GARNL3: variants seen among roughly 807,000 people sequenced by gnomAD.
The protein encoded by GARNL3 is GTPase-activating Rap/Ran-GAP domain-like protein 3.
In GARNL3, 63 loss-of-function variants were observed where a neutral mutation model predicts 125.0. The observed-to-expected ratio is 0.50, with a 90% CI of 0.41 to 0.62. The LOEUF is 0.62. Among genes scored for constraint, GARNL3 ranks in the 20% least tolerant of loss-of-function variants. GARNL3 has a pLI of 0.00. For missense variants in GARNL3, 994 were observed against 1,244.0 expected, an observed-to-expected ratio of 0.80 and a Z score of 3.02; for synonymous variants, 439 against 457.5, an observed-to-expected ratio of 0.96 and a Z score of 0.52.
chr9:127,357,874 C>T (rs1359664470), intron 21 of GARNL3, among the ~76,000 whole-genome samples: 2 of 152,024 alleles, frequency 1.3e-5, no homozygotes, highest in African/African-American at 4.8e-5. Context: ...TGGGAGGGTC[C>T]TTGGAGAATA....
At chr9:127,289,692 G>A (rs886333695) in intron 1 of GARNL3, among the ~76,000 whole-genome samples, 1 of 152,178 alleles carries the variant, frequency 6.6e-6, no homozygotes, top group African/African-American at 2.4e-5. Context: ...GTGGCTCAGA[G>A]CCCCTAAGTA....
At chr9:127,231,361 T>C (rs1320364409) in intron 1 of GARNL3, among the ~76,000 whole-genome samples, 1 of 150,646 alleles carries the variant, frequency 6.6e-6, no homozygotes, top group Admixed American at 6.7e-5. Context: ...CGTGAGCCAC[T>C]GCGCCCGGCC....
intron 6 of GARNL3, among the ~76,000 whole-genome samples, chr9:127,324,810 G>T (rs141221276): frequency 6.6e-6 from 1 of 152,134 alleles, no homozygotes; most frequent in Non-Finnish European, 1.5e-5. Context: ...GCGACAGCAG[G>T]GATTCAAAGG....
intron 21 of GARNL3, 175 bp from the exon 22 acceptor site, chr9:127,365,125 T>G: frequency 7.0e-6 from 4 of 572,258 alleles, no homozygotes; most frequent in Non-Finnish European, 9.5e-6. Context: ...CTCACTTCCA[T>G]TGTATTATAA....
At chr9:127,258,264 T>G (rs1038834566) in intron 2 of GARNL3, among the ~76,000 whole-genome samples, 9 of 152,128 alleles carry the variant, frequency 5.9e-5, no homozygotes, top group African/African-American at 1.9e-4. Flanking sequence ...TCCCCTTTTG[T>G]TTTGGAAATC....
At chr9:127,285,964 A>G (rs1353447901) in intron 1 of GARNL3, among the ~76,000 whole-genome samples, 1 of 152,154 alleles carries the variant, frequency 6.6e-6, no homozygotes, top group Non-Finnish European at 1.5e-5. Flanking sequence ...TTATTAAAAC[A>G]TCTGTGCTGT....
intron 2 of GARNL3, chr9:127,300,706 C>T (rs554463179): frequency 6.2e-5 from 20 of 321,192 alleles, no homozygotes; most frequent in African/African-American, 4.3e-4. Context: ...CTGTCCCCCT[C>T]GGCCTCCCAA....
chr9:127,335,008 G>C (rs1209523485), intron 9 of GARNL3, among the ~76,000 whole-genome samples: 1 of 152,232 alleles, frequency 6.6e-6, no homozygotes, highest in Non-Finnish European at 1.5e-5. Flanking sequence ...CCATTCTGAG[G>C]CAAGGCATGA....
At position 127,327,181 on chromosome 9, in the gene GARNL3, G is replaced by A. The variant is rs979779324; in HGVS notation, c.594+2086G>A. On this transcript the variant is annotated intron_variant, in intron 7 of 27. Coordinates refer to ENST00000373387, the MANE Select transcript of GARNL3 (RefSeq NM_032293.5). Reference sequence around the variant, plus strand: ...AACACATACTTATTGAGCTCCTACCGTGCATGTACCATGTACTGTTTGAGG... The same window carrying A: ...AACACATACTTATTGAGCTCCTACCATGCATGTACCATGTACTGTTTGAGG... Among the ~76,000 whole-genome samples, 4 of 152,220 alleles carry A rather than the reference G, an allele frequency of 2.6e-5. No homozygotes were observed. The East Asian group carries it at 7.7e-4, about 29-fold the overall frequency.
intron 1 of GARNL3, among the ~76,000 whole-genome samples, chr9:127,238,414 A>G (rs1004899216): frequency 2.0e-5 from 3 of 151,862 alleles, no homozygotes; most frequent in African/African-American, 7.3e-5. Context: ...GTTTCTCTCT[A>G]CCTCCATCTC....
At chr9:127,334,798 A>C (rs915405497) in intron 9 of GARNL3, among the ~76,000 whole-genome samples, 1 of 152,246 alleles carries the variant, frequency 6.6e-6, no homozygotes, top group African/African-American at 2.4e-5. Flanking sequence ...GCCAATGACA[A>C]ATTGAATCCA....
chr9:127,357,105 C>G lies in GARNL3; in HGVS notation c.1936-114C>G, dbSNP rs950404580. 3.9e-6 allele frequency: 4 copies of G among 1,022,642 alleles called. No homozygotes were observed. The African/African-American group carries it at 4.8e-5, about 12-fold the overall frequency. 63.3% of individuals were successfully genotyped at this position (1,022,642 alleles called of 1,614,324 possible). A position where few individuals can be genotyped will look rare whatever the true frequency, so the allele number is the denominator to read the frequency against. ...TTCTTCCCTGTAGCACGGGGCTCTG[C>G]AGGAGCCTGGAGAGGGTGCCTTCTC... On this transcript the variant is annotated intron_variant, in intron 20 of 27. Transcript: ENST00000373387.
intron 13 of GARNL3, among the ~76,000 whole-genome samples, chr9:127,340,217 A>G (rs1172328737): frequency 1.3e-5 from 2 of 152,154 alleles, no homozygotes; most frequent in Non-Finnish European, 1.5e-5. Context: ...AGAAAGACAG[A>G]ATGAGAACAT....
chr9:127,313,432 C>T lies in GARNL3; in HGVS notation c.320-9C>T, dbSNP rs765261876. 1.3e-6 allele frequency: 2 copies of T among 1,598,464 alleles called. No homozygotes were observed. Among genetic ancestry groups the T allele is most frequent in the Non-Finnish European group, 1.7e-6 (2 of 1,165,722 alleles). On this transcript the variant is annotated splice_polypyrimidine_tract_variant and intron_variant, in intron 3 of 27. Transcript: ENST00000373387. ...TGCATTCTCACTGTTCTAAACCTTTCTTTTCCAGTCCATCAGAACTACATT... is the reference window on the plus strand; with the variant it reads ...TGCATTCTCACTGTTCTAAACCTTTTTTTTCCAGTCCATCAGAACTACATT...
At chr9:127,371,031 GC>G (rs1564188682) in intron 22 of GARNL3, among the ~76,000 whole-genome samples, 2 of 152,128 alleles carry the variant, frequency 1.3e-5, no homozygotes, top group African/African-American at 4.8e-5. Flanking sequence ...CCTCTGATGT[GC>G]CCCACCCCAG....
intron 22 of GARNL3, among the ~76,000 whole-genome samples, chr9:127,371,942 T>A (rs947238006): frequency 2.8e-4 from 42 of 150,744 alleles, no homozygotes; most frequent in Non-Finnish European, 1.3e-4. Context: ...GCAAAAAAAA[T>A]TTTTTTTGAG....
intron 1 of GARNL3, among the ~76,000 whole-genome samples, chr9:127,273,780 G>A (rs2063883480): frequency 6.6e-6 from 1 of 152,162 alleles, no homozygotes; most frequent in African/African-American, 2.4e-5. Context: ...ACCAAAAAGT[G>A]CCATGCTTCT....
At chr9:127,231,048 A>ATATATATT (rs2063000265) in intron 1 of GARNL3, among the ~76,000 whole-genome samples, 1 of 43,700 alleles carries the variant, frequency 2.3e-5, no homozygotes, top group African/African-American at 1.2e-4. Flanking sequence ...ATATATATAT[A>ATATATATT]TATTTTTTTT....
chr9:127,264,404 C>A, upstream of GARNL3: 1 of 546,296 alleles, frequency 1.8e-6, no homozygotes, highest in Non-Finnish European at 2.3e-6. Context: ...GGTCTTTTTT[C>A]ATATTGCCAC....
Sources: allele counts gnomAD v4.1 joint callset (sites outside exome capture counted in the v4.1 genomes callset), GRCh38; gene constraint gnomAD v4.1.1; transcripts MANE v1.5; gene names NCBI Gene and HGNC (gene_info 2026-07-23, HGNC 2026-07-21).